EML1: variants seen among roughly 807,000 people sequenced by gnomAD.
EML1 encodes the protein echinoderm microtubule-associated protein-like 1.
Under a neutral mutation model 110.4 loss-of-function variants are expected in EML1, and 27 were observed. That is an observed-to-expected ratio of 0.24 (90% CI 0.18 to 0.34). The LOEUF is 0.34. Ranked by LOEUF, EML1 falls within the 10% of genes least tolerant of loss-of-function variation. The pLI, the probability that EML1 is intolerant of heterozygous loss-of-function variation, is 1.00. For missense variants in EML1, 741 were observed against 1,030.9 expected (o/e 0.72, Z 3.85); for synonymous variants, 344 against 385.8 (o/e 0.89, Z 1.27).
chr14:99,882,398 G>A (rs1332203550), intron 4 of EML1, among the ~76,000 whole-genome samples: 1 of 152,184 alleles, frequency 6.6e-6, no homozygotes, highest in Non-Finnish European at 1.5e-5. Flanking sequence ...CCTTTTGTAA[G>A]TCTTAAGGGA....
chr14:99,765,361 C>A (rs1197463231), intron 1 of EML1, among the ~76,000 whole-genome samples: 1 of 152,072 alleles, frequency 6.6e-6, no homozygotes, highest in African/African-American at 2.4e-5. Flanking sequence ...AAACTCTGTG[C>A]CCACTGAACA....
At chr14:99,875,467 A>G (rs1179372579) in intron 3 of EML1, among the ~76,000 whole-genome samples, 1 of 152,202 alleles carries the variant, frequency 6.6e-6, no homozygotes, top group African/African-American at 2.4e-5. Context: ...TCTTCCAGCC[A>G]CCAGGTTGAG....
intron 1 of EML1, among the ~76,000 whole-genome samples, chr14:99,807,182 T>C (rs1269648263): frequency 6.6e-6 from 1 of 152,182 alleles, no homozygotes; most frequent in Non-Finnish European, 1.5e-5. Context: ...AAAGATTACG[T>C]GCATTCTTTC....
At chr14:99,796,229 A>G (rs1276210091) in intron 1 of EML1, among the ~76,000 whole-genome samples, 1 of 143,746 alleles carries the variant, frequency 7.0e-6, no homozygotes, top group Non-Finnish European at 1.5e-5. Context: ...AGAGAGAGAG[A>G]GAAGATAATG....
chr14:99,776,975 C>T (rs78007732), intron 1 of EML1, among the ~76,000 whole-genome samples: 1,776 of 152,170 alleles, frequency 0.012, 35 homozygotes, highest in African/African-American at 0.039. Context: ...TCAGCTACCA[C>T]GCAAAATAAA....
upstream of EML1, among the ~76,000 whole-genome samples, chr14:99,770,447 T>G (rs921002201): frequency 6.6e-6 from 1 of 152,090 alleles, no homozygotes; most frequent in Admixed American, 6.6e-5. Context: ...TCATGTCTTT[T>G]TTTAAGGAAA....
chr14:99,898,985 CTG>C (rs1470108970), intron 8 of EML1, among the ~76,000 whole-genome samples: 6 of 152,120 alleles, frequency 3.9e-5, no homozygotes, highest in Non-Finnish European at 5.9e-5. Context: ...CTGCCCTGTC[CTG>C]TGAATGTCGT....
At chr14:99,920,321 T>G (rs574471425) in intron 16 of EML1, among the ~76,000 whole-genome samples, 2 of 152,268 alleles carry the variant, frequency 1.3e-5, no homozygotes, top group Admixed American at 1.3e-4. Flanking sequence ...GCCTGTACTC[T>G]TGGCCTGCTC....
chr14:99,777,828 G>C (rs542481447), intron 1 of EML1, among the ~76,000 whole-genome samples: 5 of 152,294 alleles, frequency 3.3e-5, no homozygotes, highest in African/African-American at 1.2e-4. Flanking sequence ...TTTTGAAACA[G>C]GTTCATGCTC....
intron 1 of EML1, among the ~76,000 whole-genome samples, chr14:99,835,986 C>T (rs1039558040): frequency 1.3e-5 from 2 of 152,158 alleles, no homozygotes; most frequent in African/African-American, 4.8e-5. Flanking sequence ...GCTTTTTACT[C>T]TTCTTCAGTT....
rs2058420404 is a variant in EML1 at position 99,829,872 on chromosome 14, A to G, written c.68-20981A>G. Among the ~76,000 whole-genome samples the G allele has an allele frequency of 2.0e-5, 3 of 152,176 alleles. No homozygotes were observed. The South Asian group carries it at 6.2e-4, about 32-fold the overall frequency. On this transcript the variant is annotated intron_variant, in intron 1 of 21. Transcript: ENST00000262233. ...ATATTCGATTATATGGATAGGTCCC[A>G]TTTTGCTTATCCGTTCATCCATCCA...
intron 17 of EML1, among the ~76,000 whole-genome samples, chr14:99,922,308 A>G (rs1368305611): frequency 6.6e-6 from 1 of 151,740 alleles, no homozygotes; most frequent in Non-Finnish European, 1.5e-5. Flanking sequence ...TAGTGATGGG[A>G]TTTCGCCATA....
In EML1 at chr14:99,865,609, G is replaced by A. The variant is rs371961894; in HGVS notation, c.346G>A (p.Gly116Arg). The A allele has an allele frequency of 1.2e-5, 20 of 1,614,020 alleles. No homozygotes were observed. The highest frequency in any genetic ancestry group is 1.6e-4 in the Middle Eastern group (1 of 6,080). Residue 116 changes from glycine to arginine, a missense_variant, in exon 3 of 22, where the codon GGG (glycine) becomes AGG (arginine). Coordinates refer to ENST00000262233, the MANE Select transcript of EML1 (RefSeq NM_004434.3). The stretch of plus-strand genomic sequence containing the variant: ...TACTGGCTCTCTACCATCCCCCTCC[G>A]GGGTCAGGAAAGAAACTGCTGTGCC... ...KPTGSLPSPS[G>R]VRKETAVPAT...
intron 5 of EML1, among the ~76,000 whole-genome samples, chr14:99,893,012 G>A (rs1423382735): frequency 6.7e-6 from 1 of 148,762 alleles, no homozygotes; most frequent in East Asian, 2.0e-4. Context: ...CACAGCCCCT[G>A]ATGAGCTTAT....
upstream of EML1, among the ~76,000 whole-genome samples, chr14:99,789,272 G>A (rs953635958): frequency 2.6e-5 from 4 of 151,986 alleles, no homozygotes; most frequent in South Asian, 2.1e-4. Context: ...GCAGTGGCAC[G>A]ATCTCGGCTC....
intron 2 of EML1, among the ~76,000 whole-genome samples, chr14:99,861,491 G>T (rs995606858): frequency 1.3e-5 from 2 of 152,086 alleles, no homozygotes; most frequent in Non-Finnish European, 2.9e-5. Context: ...TAGCTTTTTT[G>T]TTTGATTGGA....
chr14:99,885,318 CTACAGACCTG>C (rs1182865470), intron 4 of EML1, among the ~76,000 whole-genome samples: 2 of 152,196 alleles, frequency 1.3e-5, no homozygotes, highest in East Asian at 3.8e-4. Flanking sequence ...TGCTCCTGGG[CTACAGACCTG>C]TACAGCACAT....
intron 4 of EML1, among the ~76,000 whole-genome samples, chr14:99,879,870 G>C (rs532256962): frequency 4.6e-5 from 7 of 152,314 alleles, no homozygotes; most frequent in African/African-American, 1.7e-4. Context: ...GAAATGTCTA[G>C]ATCTTGGCAG....
intron 1 of EML1, among the ~76,000 whole-genome samples, chr14:99,746,095 A>G (rs1255523925): frequency 6.6e-6 from 1 of 152,172 alleles, no homozygotes; most frequent in African/African-American, 2.4e-5. Flanking sequence ...GTTCCACATG[A>G]CGCCCCCTTT....
Sources: allele counts gnomAD v4.1 joint callset (sites outside exome capture counted in the v4.1 genomes callset), GRCh38; gene constraint gnomAD v4.1.1; transcripts MANE v1.5; gene names NCBI Gene and HGNC (gene_info 2026-07-23, HGNC 2026-07-21).